RELCH: variants seen among roughly 807,000 people sequenced by gnomAD.
The protein encoded by RELCH is RAB11 binding and LisH domain, coiled-coil and HEAT repeat containing.
A neutral mutation model predicts 150.3 loss-of-function variants in RELCH; 41 were observed. The ratio of observed to expected loss-of-function variants is 0.27; its 90% CI spans 0.21 to 0.35. The LOEUF (loss-of-function observed/expected upper bound fraction) is 0.35, where lower values mean the gene tolerates loss of function less well. Ranked by LOEUF, RELCH falls within the 10% of genes least tolerant of loss-of-function variation. The pLI is 1.00. For missense variants in RELCH, 1,092 were observed against 1,467.8 expected, an observed-to-expected ratio of 0.74 and a Z score of 4.18; for synonymous variants, 478 against 531.8, an observed-to-expected ratio of 0.90 and a Z score of 1.39.
intron 10 of RELCH, among the ~76,000 whole-genome samples, chr18:62,233,072 G>A (rs895962079): frequency 6.6e-6 from 1 of 151,662 alleles, no homozygotes; most frequent in African/African-American, 2.4e-5. Context: ...CATAGCCTAT[G>A]TTATGATCCA....
At chr18:62,227,093 T>G (rs896603931) in intron 5 of RELCH, among the ~76,000 whole-genome samples, 196 bp from the exon 6 acceptor site, 1 of 151,442 alleles carries the variant, frequency 6.6e-6, no homozygotes, top group African/African-American at 2.4e-5. Flanking sequence ...CTTGGGAGGC[T>G]GAGGTGGGAG....
At position 62,239,230 on chromosome 18, in the gene RELCH, G is replaced by A. The variant is rs911068749; in HGVS notation, c.1621-5534G>A. 3.3e-5 allele frequency among the ~76,000 whole-genome samples: 5 copies of A among 152,126 alleles called. No individual in the cohort carries two copies. The East Asian group carries it at 5.8e-4, about 18-fold the overall frequency. On this transcript the variant is annotated intron_variant, in intron 10 of 28. Transcript: ENST00000644646. ...ATTTAGGTACTTTAGGTTTCCTAAAGATTGAGCCCTGGAAATTATAGATAT... is the reference window on the plus strand; with the variant it reads ...ATTTAGGTACTTTAGGTTTCCTAAAAATTGAGCCCTGGAAATTATAGATAT...
intron 13 of RELCH, among the ~76,000 whole-genome samples, chr18:62,257,369 CTTATT>C (rs1419737712): frequency 6.6e-6 from 1 of 152,070 alleles, no homozygotes; most frequent in Admixed American, 6.6e-5. Context: ...AGTTCACTCT[CTTATT>C]TTATTATCCT....
In RELCH at chr18:62,231,226, T is replaced by C. The variant is rs1367441226; in HGVS notation, c.1481T>C (p.Leu494Pro). 6.2e-7 allele frequency: 1 copy of C among 1,608,392 alleles called. No individual in the cohort carries two copies. Among genetic ancestry groups the C allele is most frequent in the African/African-American group, 1.3e-5 (1 of 74,652 alleles). The change falls in exon 9 of 29, where the codon CTC becomes CCC. Residue 494 changes from leucine to proline, a missense_variant. Around this residue, in one of 4 missense-constraint regions of RELCH, gnomAD observed 707 missense variants for 1,025.4 expected, o/e 0.69. Transcript: ENST00000644646. ...TCTCCTGCATTCCATCAAGCACTAC[T>C]CTCTTTTTGTCGAATGTCAGCAGAT... The part of the protein sequence containing the change: ...KLSPAFHQAL[L>P]SFCRMSADSR...
chr18:62,237,352 G>C (rs1424346541), intron 10 of RELCH, among the ~76,000 whole-genome samples: 1 of 151,618 alleles, frequency 6.6e-6, no homozygotes, highest in Non-Finnish European at 1.5e-5. Flanking sequence ...CTTCTGTCTA[G>C]AATTTCTGTA....
intron 8 of RELCH, 53 bp from the exon 9 acceptor site, chr18:62,231,141 A>C: frequency 8.5e-7 from 1 of 1,176,270 alleles, no homozygotes; most frequent in East Asian, 2.4e-5. Flanking sequence ...TTTCTCCTTA[A>C]ATGTCAATGG....
At chr18:62,259,052 C>T (rs2043130395) in intron 15 of RELCH, among the ~76,000 whole-genome samples, 1 of 151,974 alleles carries the variant, frequency 6.6e-6, no homozygotes, top group South Asian at 2.1e-4. Context: ...TACATAGTGT[C>T]AAAATTGCTT....
chr18:62,263,186 T>C (rs1484804040), intron 16 of RELCH, among the ~76,000 whole-genome samples: 2 of 152,074 alleles, frequency 1.3e-5, no homozygotes, highest in Non-Finnish European at 2.9e-5. Context: ...GGTTAGGACT[T>C]AAACATAAAA....
At chr18:62,238,150 G>T (rs1599990205) in intron 10 of RELCH, among the ~76,000 whole-genome samples, 1 of 151,816 alleles carries the variant, frequency 6.6e-6, no homozygotes, top group African/African-American at 2.4e-5. Flanking sequence ...GTACCTCTTA[G>T]GTTCTTTGAA....
At chr18:62,201,026 T>C (rs2039404586) in intron 1 of RELCH, among the ~76,000 whole-genome samples, 1 of 129,872 alleles carries the variant, frequency 7.7e-6, no homozygotes, top group South Asian at 2.6e-4. Context: ...CAGGCTGGAG[T>C]GCAGTGGCGC....
chr18:62,238,027 G>A (rs116392523), intron 10 of RELCH, among the ~76,000 whole-genome samples: 6,601 of 151,844 alleles, frequency 0.043, 173 homozygotes, highest in South Asian at 0.073. Context: ...GCAATTGGTT[G>A]TAACAGTTAT....
intron 8 of RELCH, among the ~76,000 whole-genome samples, chr18:62,230,352 A>T (rs1277188830): frequency 2.0e-5 from 3 of 152,054 alleles, no homozygotes; most frequent in African/African-American, 7.2e-5. Context: ...TGGAAGGATT[A>T]TGGTCCCCCT....
At chr18:62,221,573 T>TC in intron 5 of RELCH, 76 bp downstream of exon 5, 1 of 622,542 alleles carries the variant, frequency 1.6e-6, no homozygotes, top group East Asian at 3.2e-5. Flanking sequence ...TAGTTTCTTT[T>TC]TTTTTTTTTT....
intron 13 of RELCH, among the ~76,000 whole-genome samples, chr18:62,257,202 A>G (rs2043032128): frequency 6.6e-6 from 1 of 152,000 alleles, no homozygotes; most frequent in South Asian, 2.1e-4. Context: ...ATGAATTTGT[A>G]TATTGGTAGC....
At chr18:62,207,740 C>G (rs977250796) in intron 1 of RELCH, among the ~76,000 whole-genome samples, 1 of 152,182 alleles carries the variant, frequency 6.6e-6, no homozygotes, top group African/African-American at 2.4e-5. Context: ...TGTGCATTTA[C>G]AAAATTGTAC....
intron 1 of RELCH, among the ~76,000 whole-genome samples, chr18:62,190,299 C>A (rs2038527497): frequency 6.6e-6 from 1 of 152,190 alleles, no homozygotes; most frequent in Non-Finnish European, 1.5e-5. Context: ...AGAACATCGG[C>A]AGGGTGCAGT....
At chr18:62,294,711 CATT>C in intron 27 of RELCH, among the ~76,000 whole-genome samples, 1 of 152,196 alleles carries the variant, frequency 6.6e-6, no homozygotes, top group South Asian at 2.1e-4. Context: ...TTATAAAAGA[CATT>C]ATTTCCTATA....
intron 2 of RELCH, 134 bp downstream of exon 2, chr18:62,211,376 C>A: frequency 2.0e-6 from 1 of 503,796 alleles, no homozygotes. Flanking sequence ...AGTTATGTTA[C>A]TAATTACTAA....
intron 10 of RELCH, among the ~76,000 whole-genome samples, chr18:62,237,268 A>G (rs1506329): frequency 0.41 from 62,659 of 151,440 alleles, 13,112 homozygotes; most frequent in Middle Eastern, 0.58. Context: ...TGCTGATGTT[A>G]AGTGGAGTGT....
Sources: allele counts gnomAD v4.1 joint callset (sites outside exome capture counted in the v4.1 genomes callset), GRCh38; gene constraint gnomAD v4.1.1; regional missense constraint gnomAD v4.1.1; transcripts MANE v1.5; gene names NCBI Gene and HGNC (gene_info 2026-07-23, HGNC 2026-07-21).